The following IPP variants were observed in gnomAD, a reference collection of about 807,000 sequenced individuals.
IPP encodes the protein intracisternal A particle-promoted polypeptide, also known as actin-binding protein IPP.
IPP carries 41 observed loss-of-function variants against 64.1 expected under a neutral mutation model. The ratio of observed to expected loss-of-function variants is 0.64; its 90% CI spans 0.50 to 0.83. The LOEUF is 0.83. Ranked by LOEUF, IPP falls within the 40% of genes least tolerant of loss-of-function variation. The pLI, the probability that IPP is intolerant of heterozygous loss-of-function variation, is 0.00. For missense variants in IPP, 649 were observed against 703.0 expected, an observed-to-expected ratio of 0.92 and a Z score of 0.87; for synonymous variants, 214 against 235.2, an observed-to-expected ratio of 0.91 and a Z score of 0.83.
intron 6 of IPP, among the ~76,000 whole-genome samples, chr1:45,717,322 A>G (rs1557744984): frequency 1.3e-5 from 2 of 152,060 alleles, no homozygotes; most frequent in Non-Finnish European, 2.9e-5. Context: ...CAAAACTTCA[A>G]TATATTGCAT....
intron 5 of IPP, among the ~76,000 whole-genome samples, chr1:45,724,596 A>C (rs1309226168): frequency 5.9e-5 from 7 of 118,282 alleles, no homozygotes; most frequent in East Asian, 2.7e-4. Context: ...CCGGCCGCCC[A>C]TCGTCTGAGA....
At chr1:45,696,143 T>A (rs1421258800), downstream of IPP, among the ~76,000 whole-genome samples, 1 of 152,248 alleles carries the variant, frequency 6.6e-6, no homozygotes, top group East Asian at 1.9e-4. Flanking sequence ...CAAATCATAT[T>A]TTTAGGCTAA....
intron 3 of IPP, among the ~76,000 whole-genome samples, chr1:45,732,370 A>AAAAAAC (rs1553192403): frequency 6.0e-5 from 9 of 151,126 alleles, no homozygotes; most frequent in African/African-American, 1.7e-4. Flanking sequence ...TCAAAAAAAA[A>AAAAAAC]AAAAAAAAAA....
At chr1:45,733,658 C>T (rs984413966) in intron 3 of IPP, among the ~76,000 whole-genome samples, 1 of 151,674 alleles carries the variant, frequency 6.6e-6, no homozygotes, top group African/African-American at 2.4e-5. Context: ...ATGGCGAAAC[C>T]CCGTCTCTAC....
rs1361476932 is a variant in IPP, at chr1:45,738,738, G to A, written c.724+2163C>T. Among the ~76,000 whole-genome samples the A allele has an allele frequency of 5.3e-5, 8 of 150,596 alleles. No individual in the cohort carries two copies. In the South Asian group the frequency reaches 1.3e-3, roughly 24 times the overall value. On this transcript the variant is annotated intron_variant, in intron 3 of 8. Coordinates refer to ENST00000396478, the MANE Select transcript of IPP (RefSeq NM_005897.3). ...GCCTGTAGTCCCAGCTACTTGGGAG[G>A]CTGAGGCAGGAGAATGGTGTGAACC...
chr1:45,721,930 G>A (rs746699842), intron 5 of IPP, among the ~76,000 whole-genome samples: 3 of 152,112 alleles, frequency 2.0e-5, no homozygotes, highest in Non-Finnish European at 2.9e-5. Context: ...TTAGCCAGGC[G>A]CGGTGGTGCG....
intron 3 of IPP, among the ~76,000 whole-genome samples, chr1:45,737,403 A>G (rs946800671): frequency 9.2e-5 from 14 of 151,656 alleles, no homozygotes; most frequent in East Asian, 3.9e-4. Flanking sequence ...CATGATTTCA[A>G]TTACCCATTA....
At position 45,719,351 on chromosome 1, in the gene IPP, T is replaced by C; in HGVS notation, c.1049-11A>G. On this transcript the variant is annotated splice_polypyrimidine_tract_variant and intron_variant, in intron 5 of 8. Coordinates refer to ENST00000396478, the MANE Select transcript of IPP (RefSeq NM_005897.3). The stretch of plus-strand genomic sequence containing the variant: ...TTGAATCCTTTTCACCTGAGTTAAA[T>C]AAAAGAGACAAATATTATAAAGTTT... 1.9e-6 allele frequency: 3 copies of C among 1,555,762 alleles called. No individual in the cohort carries two copies. The highest frequency in any genetic ancestry group is 1.7e-4 in the Middle Eastern group (1 of 5,840).
intron 8 of IPP, among the ~76,000 whole-genome samples, chr1:45,701,858 T>C (rs1278260301): frequency 2.0e-5 from 3 of 152,160 alleles, no homozygotes; most frequent in African/African-American, 7.2e-5. Context: ...GATAGTGCCA[T>C]CATATTATAA....
chr1:45,694,660 G>C, downstream of IPP: 1 of 569,610 alleles, frequency 1.8e-6, no homozygotes, highest in Admixed American at 3.3e-5. Context: ...AGTGTCATGA[G>C]GGAAAGCCAC....
At position 45,699,751 on chromosome 1, in the gene IPP, T is replaced by C. The variant is rs1357733850; in HGVS notation, c.*215A>G. 6.1e-6 allele frequency: 8 copies of C among 1,308,054 alleles called. No individual in the cohort carries two copies. Among genetic ancestry groups the C allele is most frequent in the Non-Finnish European group, 8.0e-6 (8 of 1,003,656 alleles). 81.0% of individuals were successfully genotyped at this position (1,308,054 alleles called of 1,614,324 possible). Reference sequence around the variant, plus strand: ...GATCGTAGCTTACTACAACCTCAAATTCCTGGGCTCAAGTGATCCTTCTGC... The same window carrying C: ...GATCGTAGCTTACTACAACCTCAAACTCCTGGGCTCAAGTGATCCTTCTGC... On this transcript the variant is annotated 3_prime_UTR_variant, in exon 9 of 9. Coordinates refer to ENST00000396478, the MANE Select transcript of IPP (RefSeq NM_005897.3).
chr1:45,749,318 C>T (rs547275873), intron 1 of IPP, among the ~76,000 whole-genome samples: 1 of 152,236 alleles, frequency 6.6e-6, no homozygotes, highest in South Asian at 2.1e-4. Flanking sequence ...GGAACGTCAT[C>T]CCAAAAGGTG....
At chr1:45,746,679 C>A (rs1396250222) in intron 1 of IPP, among the ~76,000 whole-genome samples, 2 of 151,984 alleles carry the variant, frequency 1.3e-5, no homozygotes, top group Non-Finnish European at 2.9e-5. Context: ...AGAAATGGGA[C>A]CTGCACTAGA....
At chr1:45,721,047 G>A (rs183455134) in intron 5 of IPP, among the ~76,000 whole-genome samples, 13 of 152,250 alleles carry the variant, frequency 8.5e-5, no homozygotes, top group Non-Finnish European at 7.4e-5. Flanking sequence ...GAGAATAAAA[G>A]ATGAAGCAGC....
chr1:45,731,271 T>C (rs1489489773), intron 3 of IPP, among the ~76,000 whole-genome samples: 1 of 151,920 alleles, frequency 6.6e-6, no homozygotes, highest in Non-Finnish European at 1.5e-5. Context: ...TGAAACCCTG[T>C]CTCTACAAAA....
At chr1:45,714,082 T>C (rs1455189625) in intron 8 of IPP, among the ~76,000 whole-genome samples, 164 bp downstream of exon 8, 2 of 151,268 alleles carry the variant, frequency 1.3e-5, no homozygotes, top group Non-Finnish European at 2.9e-5. Flanking sequence ...AAATTGACAA[T>C]AGAAGAAAAG....
chr1:45,716,500 C>T (rs1645661447), intron 7 of IPP, among the ~76,000 whole-genome samples: 1 of 152,222 alleles, frequency 6.6e-6, no homozygotes, highest in African/African-American at 2.4e-5. Context: ...CTGCCTCAGC[C>T]TCCCAAAGTG....
At chr1:45,712,904 G>A (rs912932076) in intron 8 of IPP, among the ~76,000 whole-genome samples, 4 of 147,634 alleles carry the variant, frequency 2.7e-5, no homozygotes, top group Non-Finnish European at 6.0e-5. Context: ...CACACCATCC[G>A]CCTTGGGCTC....
intron 3 of IPP, among the ~76,000 whole-genome samples, chr1:45,732,582 A>T (rs759208832): frequency 7.9e-5 from 12 of 152,186 alleles, no homozygotes; most frequent in Non-Finnish European, 1.8e-4. Flanking sequence ...ATACTGTAAC[A>T]TTAGAAGATG....
Sources: allele counts gnomAD v4.1 joint callset (sites outside exome capture counted in the v4.1 genomes callset), GRCh38; gene constraint gnomAD v4.1.1; transcripts MANE v1.5; gene names NCBI Gene and HGNC (gene_info 2026-07-23, HGNC 2026-07-21).